Variants in DOCK4 observed in about 807,000 individuals in gnomAD.
DOCK4 encodes dedicator of cytokinesis 4.
Under a neutral mutation model 268.1 loss-of-function variants are expected in DOCK4, and 97 were observed. The observed-to-expected ratio is 0.36, with a 90% CI of 0.31 to 0.43. DOCK4 has a LOEUF of 0.43. Among genes scored for constraint, DOCK4 ranks in the 20% least tolerant of loss-of-function variants. The probability of loss-of-function intolerance (pLI) is 1.00; values close to 1 mark genes in which losing one functional copy is unlikely to be tolerated. For synonymous variants in DOCK4, 954 were observed against 887.2 expected, an observed-to-expected ratio of 1.08 and a Z score of -1.34; for missense variants, 2,145 against 2,455.7, an observed-to-expected ratio of 0.87 and a Z score of 2.67.
At chr7:111,855,477 A>C (rs6973154) in intron 23 of DOCK4, among the ~76,000 whole-genome samples, 4,521 of 152,246 alleles carry the variant, frequency 0.03, 244 homozygotes, top group African/African-American at 0.1. Flanking sequence ...CAGAGAGAAA[A>C]AAGTTGAGAT....
chr7:112,132,668 C>A (rs1813917864), intron 1 of DOCK4, among the ~76,000 whole-genome samples: 1 of 152,132 alleles, frequency 6.6e-6, no homozygotes, highest in South Asian at 2.1e-4. Context: ...CTTGCTATTT[C>A]ACCTCCATTC....
intron 11 of DOCK4, among the ~76,000 whole-genome samples, chr7:111,937,956 C>G (rs900593090): frequency 6.6e-6 from 1 of 152,202 alleles, no homozygotes; most frequent in African/African-American, 2.4e-5. Flanking sequence ...CAGTTCCTCA[C>G]ACATAGTAAG....
At chr7:111,996,683 T>G (rs1586602040) in intron 4 of DOCK4, among the ~76,000 whole-genome samples, 1 of 152,202 alleles carries the variant, frequency 6.6e-6, no homozygotes, top group Non-Finnish European at 1.5e-5. Context: ...TAGTGTCAGG[T>G]GGAGACCCCA....
chr7:112,122,487 T>C (rs2115923060), intron 1 of DOCK4, among the ~76,000 whole-genome samples: 1 of 152,242 alleles, frequency 6.6e-6, no homozygotes, highest in East Asian at 1.9e-4. Context: ...CCCAGGATGG[T>C]CATGAACTCC....
chr7:112,072,994 G>T (rs1044586563), intron 1 of DOCK4, among the ~76,000 whole-genome samples: 3 of 152,144 alleles, frequency 2.0e-5, no homozygotes, highest in African/African-American at 7.2e-5. Context: ...GGAAGAATCA[G>T]GGGAGAAGGG....
At chr7:111,740,526 A>G (rs1486716505) in intron 47 of DOCK4, among the ~76,000 whole-genome samples, 1 of 150,428 alleles carries the variant, frequency 6.6e-6, no homozygotes, top group Non-Finnish European at 1.5e-5. Flanking sequence ...TGAGGTCAGG[A>G]GTTCGAGACC....
chr7:111,915,710 A>C, intron 13 of DOCK4, 69 bp downstream of exon 13: 1 of 1,546,920 alleles, frequency 6.5e-7, no homozygotes, highest in Non-Finnish European at 8.7e-7. Context: ...AATTTGAAAA[A>C]TTTCTCAAAC....
intron 28 of DOCK4, 43 bp from the exon 29 acceptor site, chr7:111,809,444 C>A: frequency 2.0e-6 from 3 of 1,472,938 alleles, no homozygotes; most frequent in Non-Finnish European, 2.8e-6. Flanking sequence ...GTGTTACAAG[C>A]ATATTGACAG....
At chr7:111,746,703 A>T (rs903113206) in intron 43 of DOCK4, among the ~76,000 whole-genome samples, 2 of 152,000 alleles carry the variant, frequency 1.3e-5, no homozygotes, top group African/African-American at 4.8e-5. Context: ...CTGCCTTAAG[A>T]TTCAGTGTGA....
At chr7:111,757,612 G>T (rs113222542) in intron 41 of DOCK4, among the ~76,000 whole-genome samples, 2 of 152,088 alleles carry the variant, frequency 1.3e-5, no homozygotes, top group African/African-American at 4.8e-5. Context: ...TCAAATCTCT[G>T]GGCACAAGGG....
At chr7:112,157,576 AGTTCAGGGATTAGAGCACCCTAACTCT>A (rs1486978282) in intron 1 of DOCK4, among the ~76,000 whole-genome samples, 1 of 152,208 alleles carries the variant, frequency 6.6e-6, no homozygotes, top group East Asian at 1.9e-4. Flanking sequence ...AAACTCTCAC[AGTTCAGGGATTAGAGCACCCTAACTCT>A]GCCCTGGTAT....
intron 14 of DOCK4, among the ~76,000 whole-genome samples, chr7:111,900,793 C>A (rs1374539603): frequency 6.6e-6 from 1 of 152,158 alleles, no homozygotes; most frequent in Admixed American, 6.5e-5. Context: ...ATTGCATGGC[C>A]CACTTGGAGT....
At chr7:112,024,016 A>G (rs1394698236) in intron 1 of DOCK4, among the ~76,000 whole-genome samples, 1 of 152,204 alleles carries the variant, frequency 6.6e-6, no homozygotes, top group East Asian at 1.9e-4. Context: ...TGCTTTGTTC[A>G]CGGCTTTCCG....
chr7:111,815,004 T>C (rs1394614350), intron 27 of DOCK4, among the ~76,000 whole-genome samples: 1 of 152,230 alleles, frequency 6.6e-6, no homozygotes, highest in Non-Finnish European at 1.5e-5. Context: ...TTATAGATTA[T>C]TTTAAACTTT....
At chr7:112,150,893 C>T (rs1471575100) in intron 1 of DOCK4, among the ~76,000 whole-genome samples, 1 of 152,176 alleles carries the variant, frequency 6.6e-6, no homozygotes, top group Non-Finnish European at 1.5e-5. Flanking sequence ...TTACAAGATA[C>T]TACTTGGCCC....
intron 1 of DOCK4, among the ~76,000 whole-genome samples, chr7:112,072,799 A>T (rs1217393846): frequency 6.6e-6 from 1 of 152,244 alleles, no homozygotes; most frequent in Non-Finnish European, 1.5e-5. Context: ...AAGTGGTCTC[A>T]CAAATGCACA....
At position 111,728,334 on chromosome 7, in the gene DOCK4, G is replaced by A. The variant is rs773016374; in HGVS notation, c.5868C>T (p.Ala1956=). The A allele has an allele frequency of 1.3e-6, 2 of 1,518,874 alleles. No individual in the cohort carries two copies. Among genetic ancestry groups the A allele is most frequent in the African/African-American group, 1.4e-5 (1 of 71,852 alleles). 94.1% of individuals were successfully genotyped at this position (1,518,874 alleles called of 1,614,324 possible). ...AARSSHLENG[A]RRTDPGPRPR... is the part of the protein sequence containing the mutation. ...GCCGCGGGCCGGGGTCAGTCCTCCG[G>A]GCCCCATTCTCCAGGTGGCTGGATC... Residue 1956 remains alanine, a synonymous_variant, in exon 53 of 53, where the codon GCC becomes GCT. Transcript: ENST00000428084.
chr7:112,160,101 G>A (rs1419071007), intron 1 of DOCK4, among the ~76,000 whole-genome samples: 2 of 151,968 alleles, frequency 1.3e-5, no homozygotes, highest in Non-Finnish European at 2.9e-5. Context: ...AAACGCTTCT[G>A]GTCCCAAGCA....
chr7:112,000,483 A>C lies in DOCK4; in HGVS notation c.162+11T>G. 1 of 1,443,014 alleles carries C rather than the reference A, an allele frequency of 6.9e-7. No individual in the cohort carries two copies. The highest frequency in any genetic ancestry group is 9.5e-7 in the Non-Finnish European group (1 of 1,054,208). The allele number at this position is 1,443,014 out of a possible 1,614,324, so 89.4% of individuals were successfully genotyped here. ...AATTTCATAATTATAGTTAGAAATA[A>C]CAATTTTTACCTTGATATTTGGGTT... On this transcript the variant is annotated intron_variant, in intron 3 of 52. Transcript: ENST00000428084.
Sources: gnomAD v4.1 joint callset for allele counts (sites outside exome capture counted in the v4.1 genomes callset) on GRCh38, gnomAD v4.1.1 for gene constraint, MANE v1.5 for transcripts, NCBI Gene and HGNC (gene_info 2026-07-23, HGNC 2026-07-21) for gene names.